Variants in YIPF7 observed in about 807,000 individuals in gnomAD.
The protein encoded by YIPF7 is Yip1 domain family member 7.
Under a neutral mutation model 27.2 loss-of-function variants are expected in YIPF7, and 35 were observed. That is an observed-to-expected ratio of 1.29 (90% CI 0.98 to 1.70). YIPF7 has a LOEUF of 1.70. Ranked by LOEUF, YIPF7 falls within the 40% of genes most tolerant of loss-of-function variation. The pLI is 0.00. For synonymous variants in YIPF7, 137 were observed against 110.4 expected (o/e 1.24, Z -1.51); for missense variants, 358 against 303.7 (o/e 1.18, Z -1.33).
Position 44,633,518 on chromosome 4 carries a change from A to T in YIPF7, c.280+2404T>A, listed in dbSNP as rs80311254. Among the ~76,000 whole-genome samples, 1,185 of 152,302 alleles carry T rather than the reference A, an allele frequency of 7.8e-3. 15 individuals carry two copies. Among genetic ancestry groups the T allele is most frequent in the African/African-American group, 0.027 (1,121 of 41,576 alleles). ...AATAAAAAATTTCAATATAAAACAAAAAACATAAAAGGATAATTTTAAAAT... is the reference window on the plus strand; with the variant it reads ...AATAAAAAATTTCAATATAAAACAATAAACATAAAAGGATAATTTTAAAAT... On this transcript the variant is annotated intron_variant, in intron 3 of 5. Coordinates refer to ENST00000415895, the MANE Select transcript of YIPF7 (RefSeq NM_182592.3).
At chr4:44,642,807 G>A (rs527388577) in intron 2 of YIPF7, among the ~76,000 whole-genome samples, 1 of 152,276 alleles carries the variant, frequency 6.6e-6, no homozygotes, top group South Asian at 2.1e-4. Context: ...TCCACCATGA[G>A]TAAAAGCTCC....
At chr4:44,658,646 C>T (rs969790199) in intron 2 of YIPF7, among the ~76,000 whole-genome samples, 2 of 152,070 alleles carry the variant, frequency 1.3e-5, no homozygotes, top group Non-Finnish European at 1.5e-5. Context: ...GAGAAAACAA[C>T]GGTAGACTAT....
chr4:44,628,975 G>T (rs1712773685), intron 4 of YIPF7, among the ~76,000 whole-genome samples: 6 of 152,172 alleles, frequency 3.9e-5, no homozygotes, highest in Admixed American at 3.9e-4. Context: ...CTCATAAGAT[G>T]TTAGAAATAG....
chr4:44,622,595 AATG>A lies in YIPF7; in HGVS notation c.609-22_609-20del, dbSNP rs1329214302. ...GATGCCCCTGCAGCAAAGACAAAGA[AATG>A]ATTGCCTGTGCCAGTAGAAAAGAGA... On this transcript the variant is annotated intron_variant, in intron 5 of 5. Transcript: ENST00000415895. 6.2e-7 allele frequency: 1 copy of A among 1,611,300 alleles called. No individual in the cohort carries two copies. Among genetic ancestry groups the A allele is most frequent in the South Asian group, 1.1e-5 (1 of 90,400 alleles).
upstream of YIPF7, among the ~76,000 whole-genome samples, chr4:44,656,610 C>T (rs189024960): frequency 3.3e-5 from 5 of 152,094 alleles, no homozygotes; most frequent in African/African-American, 9.6e-5. Flanking sequence ...GATTATGTTT[C>T]TAGGTGATGA....
chr4:44,638,009 T>A (rs2109588248), intron 2 of YIPF7, among the ~76,000 whole-genome samples: 1 of 152,064 alleles, frequency 6.6e-6, no homozygotes, highest in South Asian at 2.1e-4. Context: ...AAGAAAAAAA[T>A]TCCCATCAAA....
intron 2 of YIPF7, among the ~76,000 whole-genome samples, 182 bp downstream of exon 2, chr4:44,649,803 G>A (rs6852372): frequency 0.22 from 33,286 of 151,920 alleles, 3,831 homozygotes; most frequent in Middle Eastern, 0.36. Context: ...AGTTACTTAA[G>A]TATACTGTAT....
intron 2 of YIPF7, among the ~76,000 whole-genome samples, chr4:44,646,697 C>T (rs536533942): frequency 6.6e-6 from 1 of 152,208 alleles, no homozygotes; most frequent in Non-Finnish European, 1.5e-5. Flanking sequence ...ATATAAATAT[C>T]TTCACCGTCT....
chr4:44,623,135 C>T (rs558675904), intron 5 of YIPF7, among the ~76,000 whole-genome samples: 4 of 152,144 alleles, frequency 2.6e-5, no homozygotes, highest in Non-Finnish European at 5.9e-5. Context: ...CTTGAAGTTC[C>T]ATTTTGTATA....
chr4:44,636,022 C>T lies in YIPF7; in HGVS notation c.180G>A (p.Ser60=), dbSNP rs375403982. ...GCTGAAAAAATTGTCCTGCGTAACC[C>T]GATGACATGAGCATCTCTGATGGAA... is the stretch of plus-strand genomic sequence containing the variant. ...SFVPSEMLMS[S]GYAGQFFQPA... Residue 60 remains serine, a synonymous_variant, in exon 3 of 6, where the codon TCG becomes TCA. Coordinates refer to ENST00000415895, the MANE Select transcript of YIPF7 (RefSeq NM_182592.3). 17 of 1,613,642 alleles carry T rather than the reference C, an allele frequency of 1.1e-5. No homozygotes were observed. Among genetic ancestry groups the T allele is most frequent in the African/African-American group, 1.3e-5 (1 of 74,878 alleles).
chr4:44,623,165 G>C (rs1712502302), intron 5 of YIPF7, among the ~76,000 whole-genome samples: 1 of 152,200 alleles, frequency 6.6e-6, no homozygotes, highest in South Asian at 2.1e-4. Context: ...TGCTGAAATA[G>C]ATTTGTTCAA....
intron 5 of YIPF7, among the ~76,000 whole-genome samples, chr4:44,622,920 T>A (rs1712492823): frequency 6.6e-6 from 1 of 152,206 alleles, no homozygotes; most frequent in Non-Finnish European, 1.5e-5. Context: ...TAGCTACAGA[T>A]TTCCTTTTCC....
At chr4:44,659,650 G>C (rs1303852392) in intron 2 of YIPF7, among the ~76,000 whole-genome samples, 7 of 152,126 alleles carry the variant, frequency 4.6e-5, no homozygotes, top group Non-Finnish European at 5.9e-5. Flanking sequence ...TAGTAAGGCT[G>C]AAGACAACCA....
chr4:44,631,220 G>A (rs1194731149), intron 3 of YIPF7, among the ~76,000 whole-genome samples: 1 of 152,116 alleles, frequency 6.6e-6, no homozygotes, highest in Non-Finnish European at 1.5e-5. Flanking sequence ...TTGTGGTCAG[G>A]TCAATGTTCA....
upstream of YIPF7, among the ~76,000 whole-genome samples, chr4:44,655,694 A>G (rs1200930984): frequency 6.6e-6 from 1 of 152,092 alleles, no homozygotes; most frequent in African/African-American, 2.4e-5. Context: ...AGAGAAGAAT[A>G]GAACGCATTG....
intron 5 of YIPF7, 25 bp downstream of exon 5, chr4:44,624,576 T>A: frequency 6.5e-7 from 1 of 1,543,950 alleles, no homozygotes; most frequent in Non-Finnish European, 8.7e-7. Flanking sequence ...GCATGTGGGG[T>A]CATTGAGAGC....
intron 3 of YIPF7, among the ~76,000 whole-genome samples, chr4:44,633,592 G>A (rs1024504018): frequency 6.6e-6 from 1 of 152,042 alleles, no homozygotes; most frequent in African/African-American, 2.4e-5. Context: ...TGGAGAAATA[G>A]ACTCTAAACA....
chr4:44,652,472 C>G (rs1713766113), upstream of YIPF7, among the ~76,000 whole-genome samples: 1 of 152,218 alleles, frequency 6.6e-6, no homozygotes, highest in Non-Finnish European at 1.5e-5. Flanking sequence ...CTGAAATTTT[C>G]TGTCCAAAGG....
chr4:44,623,327 A>G (rs1321263822), intron 5 of YIPF7, among the ~76,000 whole-genome samples: 1 of 152,236 alleles, frequency 6.6e-6, no homozygotes, highest in Admixed American at 6.5e-5. Context: ...AAAATAAGAC[A>G]TAAGAGCTGG....
Sources: gnomAD v4.1 joint callset for allele counts (sites outside exome capture counted in the v4.1 genomes callset) on GRCh38, gnomAD v4.1.1 for gene constraint, MANE v1.5 for transcripts, NCBI Gene and HGNC (gene_info 2026-07-23, HGNC 2026-07-21) for gene names.